YIPF7: variants seen among roughly 807,000 people sequenced by gnomAD.
YIPF7 encodes Yip1 domain family member 7.
A neutral mutation model predicts 27.2 loss-of-function variants in YIPF7; 35 were observed. The observed-to-expected ratio is 1.29, with a 90% CI of 0.98 to 1.70. YIPF7 has a LOEUF of 1.70. Among genes scored for constraint, YIPF7 ranks in the 40% most tolerant of loss-of-function variants. YIPF7 has a pLI of 0.00. For missense variants in YIPF7, 358 were observed against 303.7 expected (o/e 1.18, Z -1.33); for synonymous variants, 137 against 110.4 (o/e 1.24, Z -1.51).
chr4:44,627,309 C>T lies in YIPF7; in HGVS notation c.426+2094G>A, dbSNP rs143478530. Among the ~76,000 whole-genome samples the T allele has an allele frequency of 2.5e-4, 38 of 152,238 alleles. No homozygotes were observed. The East Asian group carries it at 7.0e-3, about 28-fold the overall frequency. On this transcript the variant is annotated intron_variant, in intron 4 of 5. Transcript: ENST00000415895. ...TGAAGTTGTTTTCTTTGGTTTGTCT[C>T]CTTTCGCCTGAAGAAAGCCTACTGA...
upstream of YIPF7, among the ~76,000 whole-genome samples, chr4:44,656,195 T>C (rs1713896354): frequency 1.3e-5 from 2 of 152,032 alleles, no homozygotes; most frequent in African/African-American, 4.8e-5. Context: ...ACATTCTTAG[T>C]AACCATATTA....
In YIPF7 at chr4:44,651,595, C is replaced by T; in HGVS notation, c.-43G>A. ...TAGAAAGATCCTCCAGTAAATGTAG[C>T]TTTGTGTGAGAAATTTTAAGCAAAT... On this transcript the variant is annotated 5_prime_UTR_variant, in exon 1 of 6. Coordinates refer to ENST00000415895, the MANE Select transcript of YIPF7 (RefSeq NM_182592.3). The T allele has an allele frequency of 1.3e-6, 2 of 1,588,776 alleles. No homozygotes were observed. The highest frequency in any genetic ancestry group is 3.5e-5 in the Admixed American group (2 of 56,778).
At chr4:44,660,966 G>A (rs1409276875) in intron 1 of YIPF7, among the ~76,000 whole-genome samples, 1 of 152,118 alleles carries the variant, frequency 6.6e-6, no homozygotes, top group Admixed American at 6.5e-5. Context: ...ACAAAATACA[G>A]AAAATGCCAA....
Position 44,650,040 on chromosome 4 carries a change from G to T in YIPF7, c.61C>A (p.Gln21Lys). 2 of 1,590,714 alleles carry T rather than the reference G, an allele frequency of 1.3e-6. No individual in the cohort carries two copies. Among genetic ancestry groups the T allele is most frequent in the Non-Finnish European group, 1.7e-6 (2 of 1,167,236 alleles). ...FYQSNFTIDNQEQSGNDSNAY... is the reference protein window; with the variant it reads ...FYQSNFTIDNKEQSGNDSNAY... ...TTAGAGTCATTACCACTCTGCTCCT[G>T]GTTATCAATAGTAAAATTAGATTGG... Residue 21 changes from glutamine (Q) to lysine (K), a missense_variant, in exon 2 of 6, where the codon CAG becomes AAG. Transcript: ENST00000415895.
intron 2 of YIPF7, among the ~76,000 whole-genome samples, chr4:44,647,480 C>G (rs965268527): frequency 1.3e-5 from 2 of 152,148 alleles, no homozygotes; most frequent in African/African-American, 4.8e-5. Flanking sequence ...CAGAACAGAG[C>G]TTAAAAATCT....
chr4:44,647,267 A>G (rs1713560112), intron 2 of YIPF7, among the ~76,000 whole-genome samples: 1 of 152,146 alleles, frequency 6.6e-6, no homozygotes, highest in Non-Finnish European at 1.5e-5. Flanking sequence ...AAATGGAAAA[A>G]GAAAATTGGA....
upstream of YIPF7, among the ~76,000 whole-genome samples, chr4:44,654,057 AT>A (rs1713816392): frequency 6.6e-6 from 1 of 152,024 alleles, no homozygotes; most frequent in Non-Finnish European, 1.5e-5. Flanking sequence ...CCTCAAGTGA[AT>A]TATAAACCAT....
chr4:44,634,829 C>A (rs1446916121), intron 3 of YIPF7, among the ~76,000 whole-genome samples: 1 of 152,012 alleles, frequency 6.6e-6, no homozygotes, highest in Non-Finnish European at 1.5e-5. Context: ...GAGATATTGG[C>A]AAAGTCAAGG....
rs574020601 is a variant in YIPF7 at position 44,626,903 on chromosome 4, G to A, written c.427-2121C>T. Among the ~76,000 whole-genome samples the A allele has an allele frequency of 2.0e-3, 304 of 148,994 alleles. 3 individuals carry two copies. The highest frequency in any genetic ancestry group is 6.8e-3 in the African/African-American group (275 of 40,542). On this transcript the variant is annotated intron_variant, in intron 4 of 5. Coordinates refer to ENST00000415895, the MANE Select transcript of YIPF7 (RefSeq NM_182592.3). ...CCATTCTCCTGCTTCAGCCTCCCGC[G>A]TAGCTGGGACTACAGGTGCCTGCCA...
intron 2 of YIPF7, among the ~76,000 whole-genome samples, chr4:44,648,911 C>T (rs896354235): frequency 3.3e-5 from 5 of 152,100 alleles, no homozygotes; most frequent in African/African-American, 7.2e-5. Flanking sequence ...CATATTTTGC[C>T]GCTATCAAAT....
intron 2 of YIPF7, among the ~76,000 whole-genome samples, chr4:44,641,174 T>C (rs1577739371): frequency 6.6e-6 from 1 of 152,136 alleles, no homozygotes; most frequent in South Asian, 2.1e-4. Context: ...GTCTTGGCCA[T>C]GTATGCTGCC....
intron 4 of YIPF7, among the ~76,000 whole-genome samples, chr4:44,625,796 G>A (rs1209173513): frequency 2.0e-5 from 3 of 152,084 alleles, no homozygotes; most frequent in Middle Eastern, 3.2e-3. Flanking sequence ...ATATTTTAAT[G>A]TTTGCTATCT....
chr4:44,638,559 T>C (rs988278163), intron 2 of YIPF7, among the ~76,000 whole-genome samples: 1 of 152,222 alleles, frequency 6.6e-6, no homozygotes, highest in African/African-American at 2.4e-5. Context: ...TCAGGGTTTT[T>C]GGCTGTTGAA....
intron 2 of YIPF7, among the ~76,000 whole-genome samples, chr4:44,638,098 G>A (rs1011630498): frequency 1.3e-5 from 2 of 151,926 alleles, no homozygotes; most frequent in South Asian, 2.1e-4. Flanking sequence ...AATGCTCAAC[G>A]TCACCAATAA....
chr4:44,653,812 T>C (rs1396473443), upstream of YIPF7, among the ~76,000 whole-genome samples: 1 of 152,130 alleles, frequency 6.6e-6, no homozygotes, highest in Non-Finnish European at 1.5e-5. Flanking sequence ...CGTGAGAACA[T>C]AGGTCCTTTT....
intron 3 of YIPF7, among the ~76,000 whole-genome samples, chr4:44,632,640 A>G (rs932289750): frequency 4.6e-5 from 7 of 152,222 alleles, no homozygotes; most frequent in Non-Finnish European, 8.8e-5. Context: ...TCATAATTTT[A>G]TAGGCCATTC....
At chr4:44,633,569 C>T (rs984733690) in intron 3 of YIPF7, among the ~76,000 whole-genome samples, 2 of 151,950 alleles carry the variant, frequency 1.3e-5, no homozygotes, top group African/African-American at 4.8e-5. Context: ...GAGATAGAGG[C>T]AGTACTTAGA....
intron 1 of YIPF7, among the ~76,000 whole-genome samples, chr4:44,661,419 A>G (rs1714038088): frequency 1.3e-5 from 2 of 152,348 alleles, no homozygotes; most frequent in South Asian, 2.1e-4. Flanking sequence ...GGGAAGAAAC[A>G]CTGGTTGTGA....
chr4:44,624,034 A>G (rs1194046131), intron 5 of YIPF7, among the ~76,000 whole-genome samples: 3 of 151,866 alleles, frequency 2.0e-5, no homozygotes, highest in African/African-American at 7.3e-5. Flanking sequence ...ACAACTTAAA[A>G]AGTGCCAGTT....
Sources: allele counts gnomAD v4.1 joint callset (sites outside exome capture counted in the v4.1 genomes callset), GRCh38; gene constraint gnomAD v4.1.1; transcripts MANE v1.5; gene names NCBI Gene and HGNC (gene_info 2026-07-23, HGNC 2026-07-21).